FRMD4A: variants seen among roughly 807,000 people sequenced by gnomAD.
FRMD4A encodes FERM domain-containing protein 4A.
FRMD4A carries 29 observed loss-of-function variants against 129.1 expected under a neutral mutation model. The observed-to-expected ratio is 0.22, with a 90% confidence interval of 0.17 to 0.31. The LOEUF (loss-of-function observed/expected upper bound fraction) is 0.31. Among genes scored for constraint, FRMD4A ranks in the 10% least tolerant of loss-of-function variants. The pLI, the probability that FRMD4A is intolerant of heterozygous loss-of-function variation, is 1.00. For synonymous variants in FRMD4A, 634 were observed against 571.6 expected, an observed-to-expected ratio of 1.11 and a Z score of -1.56; for missense variants, 1,272 against 1,375.8, an observed-to-expected ratio of 0.92 and a Z score of 1.19.
intron 2 of FRMD4A, chr10:14,326,908 T>G: frequency 2.5e-6 from 1 of 398,708 alleles, no homozygotes; most frequent in Non-Finnish European, 4.4e-6. Context: ...TTCAACAGCC[T>G]AAAAGGCCAT....
chr10:14,102,605 G>A (rs1837366849), intron 2 of FRMD4A, among the ~76,000 whole-genome samples: 1 of 152,166 alleles, frequency 6.6e-6, no homozygotes, highest in Non-Finnish European at 1.5e-5. Context: ...AGTTTGAAAC[G>A]CTTTGGAAAT....
intron 2 of FRMD4A, among the ~76,000 whole-genome samples, chr10:14,141,630 C>T (rs887538976): frequency 6.6e-6 from 1 of 152,028 alleles, no homozygotes; most frequent in Non-Finnish European, 1.5e-5. Flanking sequence ...CTCCTTTAAG[C>T]GACATCTCAG....
chr10:13,826,729 T>C (rs1014744409), intron 3 of FRMD4A, among the ~76,000 whole-genome samples: 2 of 152,182 alleles, frequency 1.3e-5, no homozygotes, highest in African/African-American at 4.8e-5. Context: ...AAAGACACCC[T>C]TACTGGGCTA....
At chr10:14,093,327 T>G (rs1370613798) in intron 2 of FRMD4A, among the ~76,000 whole-genome samples, 1 of 152,198 alleles carries the variant, frequency 6.6e-6, no homozygotes, top group Non-Finnish European at 1.5e-5. Context: ...TTTAATAAAT[T>G]CGAAATTTTA....
chr10:13,891,290 C>G (rs2610798), intron 2 of FRMD4A, among the ~76,000 whole-genome samples: 147,046 of 152,020 alleles, frequency 0.97, 71,311 homozygotes, highest in East Asian at 1. Flanking sequence ...CTGGCACTCT[C>G]AGAAAATGGT....
intron 2 of FRMD4A, among the ~76,000 whole-genome samples, chr10:13,876,808 ATAAT>A (rs2094493517): frequency 6.6e-6 from 1 of 151,620 alleles, no homozygotes; most frequent in Non-Finnish European, 1.5e-5. Context: ...TTTTATATGA[ATAAT>A]AAATATATAT....
At chr10:13,895,073 C>A (rs2797877) in intron 2 of FRMD4A, among the ~76,000 whole-genome samples, 64,332 of 152,060 alleles carry the variant, frequency 0.42, 13,710 homozygotes, top group East Asian at 0.48. Flanking sequence ...AAGCATAAAC[C>A]TTTTGGGGCT....
intron 2 of FRMD4A, among the ~76,000 whole-genome samples, chr10:13,983,547 TA>T (rs764371099): frequency 2.0e-5 from 3 of 152,096 alleles, no homozygotes; most frequent in Non-Finnish European, 4.4e-5. Context: ...TAATTTGAGG[TA>T]AATTATACTA....
chr10:14,017,758 C>T (rs1417920405), intron 2 of FRMD4A, among the ~76,000 whole-genome samples: 1 of 152,214 alleles, frequency 6.6e-6, no homozygotes, highest in East Asian at 1.9e-4. Flanking sequence ...TGTCCATTTG[C>T]TCATGGACAT....
intron 2 of FRMD4A, among the ~76,000 whole-genome samples, chr10:13,873,673 A>G (rs576000081): frequency 6.6e-6 from 1 of 152,184 alleles, no homozygotes; most frequent in South Asian, 2.1e-4. Flanking sequence ...CAGCCTCCCG[A>G]GCAGCTGAGA....
chr10:14,055,442 CACACACACACACACACACAA>C (rs764025767), intron 2 of FRMD4A, among the ~76,000 whole-genome samples: 15,636 of 126,964 alleles, frequency 0.12, 1,073 homozygotes, highest in African/African-American at 0.24. Context: ...TCTAGCTACA[CACACACACACACACACACAA>C]ACACACACAC....
chr10:13,817,624 G>A (rs960709528), intron 3 of FRMD4A, among the ~76,000 whole-genome samples: 1 of 152,160 alleles, frequency 6.6e-6, no homozygotes, highest in African/African-American at 2.4e-5. Flanking sequence ...AAGATCTGAC[G>A]GTTTTATAAA....
intron 2 of FRMD4A, among the ~76,000 whole-genome samples, chr10:14,290,161 C>G (rs928593884): frequency 3.3e-5 from 5 of 151,976 alleles, no homozygotes; most frequent in African/African-American, 9.7e-5. Context: ...CCATAAAAGC[C>G]ACCTATAAAT....
intron 2 of FRMD4A, among the ~76,000 whole-genome samples, chr10:13,997,544 C>T (rs1283539945): frequency 6.6e-6 from 1 of 152,016 alleles, no homozygotes; most frequent in Non-Finnish European, 1.5e-5. Context: ...GCATTAGGTT[C>T]AGGATGTCTG....
chr10:14,151,046 C>T (rs1208700853), intron 2 of FRMD4A, among the ~76,000 whole-genome samples: 1 of 152,158 alleles, frequency 6.6e-6, no homozygotes, highest in Non-Finnish European at 1.5e-5. Flanking sequence ...ATTAAAATTC[C>T]TTGACTTCTT....
At chr10:14,049,605 C>T (rs989970362) in intron 2 of FRMD4A, among the ~76,000 whole-genome samples, 1 of 152,152 alleles carries the variant, frequency 6.6e-6, no homozygotes, top group African/African-American at 2.4e-5. Flanking sequence ...AGAGTTGAGT[C>T]TTACTGTGGA....
chr10:13,819,982 C>G (rs2093605456), intron 3 of FRMD4A, among the ~76,000 whole-genome samples: 1 of 152,178 alleles, frequency 6.6e-6, no homozygotes, highest in Non-Finnish European at 1.5e-5. Flanking sequence ...CCTTGGCCTC[C>G]CAAGGTCCTG....
intron 2 of FRMD4A, among the ~76,000 whole-genome samples, chr10:14,227,721 C>A (rs1843493645): frequency 6.6e-6 from 1 of 152,180 alleles, no homozygotes; most frequent in Non-Finnish European, 1.5e-5. Flanking sequence ...AGACTGGAAG[C>A]TCTAGGATGC....
intron 8 of FRMD4A, among the ~76,000 whole-genome samples, chr10:13,750,069 G>GAAGAAAGAAAGAAAGAAAGAAAGAAAGA (rs1185474605): frequency 5.4e-4 from 30 of 55,652 alleles, no homozygotes; most frequent in South Asian, 4.2e-3. Context: ...AGGAAGGAAG[G>GAAGAAAGAAAGAAAGAAAGAAAGAAAGA]AAGAAAGAAA....
Sources: allele counts gnomAD v4.1 joint callset (sites outside exome capture counted in the v4.1 genomes callset), GRCh38; gene constraint gnomAD v4.1.1; transcripts MANE v1.5; gene names NCBI Gene and HGNC (gene_info 2026-07-23, HGNC 2026-07-21).